KLHL14: variants seen among roughly 807,000 people sequenced by gnomAD.
KLHL14 encodes kelch like family member 14.
In KLHL14, 22 loss-of-function variants were observed where a neutral mutation model predicts 64.3. That is an observed-to-expected ratio of 0.34 (90% CI 0.24 to 0.49). KLHL14 has a LOEUF of 0.49. Among genes scored for constraint, KLHL14 ranks in the 20% least tolerant of loss-of-function variants. KLHL14 has a pLI of 0.99. For missense variants in KLHL14, 661 were observed against 789.0 expected, an observed-to-expected ratio of 0.84 and a Z score of 1.94; for synonymous variants, 322 against 333.4, an observed-to-expected ratio of 0.97 and a Z score of 0.37.
chr18:32,753,169 G>A (rs2050265211), intron 2 of KLHL14, among the ~76,000 whole-genome samples: 1 of 152,026 alleles, frequency 6.6e-6, no homozygotes, highest in Non-Finnish European at 1.5e-5. Context: ...ATGATTTCTT[G>A]TGTACCATCT....
Position 32,672,898 on chromosome 18 carries a change from C to T in KLHL14, c.*1759G>A, listed in dbSNP as rs1333485309. 1 of 152,492 alleles carries T rather than the reference C, an allele frequency of 6.6e-6. No individual in the cohort carries two copies. Among genetic ancestry groups the T allele is most frequent in the Admixed American group, 6.6e-5 (1 of 15,264 alleles). 9.4% of individuals were successfully genotyped at this position (152,492 alleles called of 1,614,324 possible). A position where few individuals can be genotyped will look rare whatever the true frequency, so the allele number is the denominator to read the frequency against. On this transcript the variant is annotated 3_prime_UTR_variant, in exon 9 of 9. Transcript: ENST00000359358. The stretch of plus-strand genomic sequence containing the variant: ...AAATGCAGAACAAGTCTAAGGAAAG[C>T]AAAGGTTCTTGTACAAATTGTGACT...
At chr18:32,752,343 G>A (rs997989688) in intron 2 of KLHL14, among the ~76,000 whole-genome samples, 22 of 152,180 alleles carry the variant, frequency 1.4e-4, no homozygotes, top group African/African-American at 4.8e-4. Flanking sequence ...AGGAAAAAGC[G>A]TATTTCTGAA....
At chr18:32,763,794 C>A (rs531126808) in intron 2 of KLHL14, among the ~76,000 whole-genome samples, 31 of 152,230 alleles carry the variant, frequency 2.0e-4, no homozygotes, top group African/African-American at 7.5e-4. Context: ...ATATTTAAGA[C>A]CAATAGCAAT....
intron 3 of KLHL14, among the ~76,000 whole-genome samples, chr18:32,740,493 C>A (rs772184483): frequency 2.0e-5 from 3 of 152,138 alleles, no homozygotes; most frequent in Non-Finnish European, 4.4e-5. Context: ...CTTTGAGAAT[C>A]TTTTGTCCTT....
At chr18:32,726,222 G>A (rs2144515395) in intron 3 of KLHL14, among the ~76,000 whole-genome samples, 1 of 152,344 alleles carries the variant, frequency 6.6e-6, no homozygotes, top group South Asian at 2.1e-4. Flanking sequence ...TGGGAGAGCT[G>A]AGTAGTTGTG....
intron 2 of KLHL14, among the ~76,000 whole-genome samples, chr18:32,746,561 A>C (rs2144535060): frequency 6.6e-6 from 1 of 152,352 alleles, no homozygotes; most frequent in African/African-American, 2.4e-5. Flanking sequence ...ATTGGGAAAC[A>C]GGCCAGATAA....
chr18:32,715,843 A>C (rs1018156906), intron 3 of KLHL14, among the ~76,000 whole-genome samples: 1 of 152,176 alleles, frequency 6.6e-6, no homozygotes, highest in Admixed American at 6.5e-5. Context: ...CTGTATAATC[A>C]TCCTTTGTGG....
chr18:32,748,307 C>T (rs892250849), intron 2 of KLHL14, among the ~76,000 whole-genome samples: 19 of 151,814 alleles, frequency 1.3e-4, no homozygotes, highest in African/African-American at 4.1e-4. Context: ...CTCTGCCTCC[C>T]GGGTTCAAGC....
chr18:32,768,366 AC>A (rs1328796027), intron 2 of KLHL14, among the ~76,000 whole-genome samples: 6 of 150,144 alleles, frequency 4.0e-5, no homozygotes, highest in African/African-American at 1.2e-4. Flanking sequence ...AACTTTAGTT[AC>A]CTAGGTCTGG....
At chr18:32,713,074 G>A (rs981586629) in intron 3 of KLHL14, among the ~76,000 whole-genome samples, 6 of 152,078 alleles carry the variant, frequency 3.9e-5, no homozygotes, top group African/African-American at 9.7e-5. Context: ...TGTTAATAAA[G>A]TTTTATTGGA....
At chr18:32,726,353 G>A (rs1052870282) in intron 3 of KLHL14, among the ~76,000 whole-genome samples, 1 of 152,180 alleles carries the variant, frequency 6.6e-6, no homozygotes, top group East Asian at 1.9e-4. Flanking sequence ...GCCGGGTGCA[G>A]CGGCTCACAC....
At chr18:32,703,198 A>T (rs2049974913) in intron 3 of KLHL14, among the ~76,000 whole-genome samples, 2 of 152,252 alleles carry the variant, frequency 1.3e-5, no homozygotes, top group Admixed American at 6.5e-5. Flanking sequence ...CTCAGCACAT[A>T]GTACTGGGCC....
At chr18:32,711,673 T>C (rs748279629) in intron 3 of KLHL14, among the ~76,000 whole-genome samples, 4 of 152,326 alleles carry the variant, frequency 2.6e-5, no homozygotes, top group Admixed American at 2.0e-4. Context: ...CAAGGGCTAG[T>C]AGCAAGGCCT....
At chr18:32,675,165 G>A (rs1211996988) in intron 8 of KLHL14, among the ~76,000 whole-genome samples, 1 of 152,054 alleles carries the variant, frequency 6.6e-6, no homozygotes, top group Non-Finnish European at 1.5e-5. Flanking sequence ...ACCAGCCTGG[G>A]CAACATAGCA....
At chr18:32,771,505 C>T (rs2050384677) in intron 1 of KLHL14, among the ~76,000 whole-genome samples, 1 of 152,178 alleles carries the variant, frequency 6.6e-6, no homozygotes, top group African/African-American at 2.4e-5. Context: ...AATCCTTCCA[C>T]CACCGCCACC....
intron 3 of KLHL14, among the ~76,000 whole-genome samples, chr18:32,721,764 T>G (rs1428770051): frequency 2.0e-5 from 3 of 152,120 alleles, no homozygotes; most frequent in Non-Finnish European, 4.4e-5. Context: ...TGGGAAAAAT[T>G]TTACCAATCA....
intron 3 of KLHL14, among the ~76,000 whole-genome samples, chr18:32,731,586 A>G (rs2050137233): frequency 6.6e-6 from 1 of 152,158 alleles, no homozygotes; most frequent in African/African-American, 2.4e-5. Flanking sequence ...ACATGTATTT[A>G]TATATGTAAC....
Position 32,770,562 on chromosome 18 carries a change from G to A in KLHL14, c.30C>T (p.Thr10=). The A allele has an allele frequency of 6.3e-7, 1 of 1,594,286 alleles. No homozygotes were observed. The highest frequency in any genetic ancestry group is 8.5e-7 in the Non-Finnish European group (1 of 1,174,562). The part of the protein sequence containing the change: MSRSGDRTS[T]FDPSHSDNLL... Reference sequence around the variant, plus strand: ...GGTTGTCGCTGTGGCTGGGGTCGAAGGTGGAGGTCCTGTCCCCGGATCTGG... The same window carrying A: ...GGTTGTCGCTGTGGCTGGGGTCGAAAGTGGAGGTCCTGTCCCCGGATCTGG... Residue 10 remains threonine, a synonymous_variant, in exon 2 of 9, where the codon ACC becomes ACT. Coordinates refer to ENST00000359358, the MANE Select transcript of KLHL14 (RefSeq NM_020805.3). This position sits in a 1 kb window ranked among gnomAD's most constrained non-coding sequence, Gnocchi z 6.7.
Position 32,770,082 on chromosome 18 carries a change from G to T in KLHL14, c.510C>A (p.Thr170=), listed in dbSNP as rs1451505065. ...VSKILHIPQV[T]KLCVQFLNDQ... is the part of the protein sequence containing the mutation. ...CGTTGAGGAACTGCACGCAGAGCTT[G>T]GTGACCTGGGGGATGTGCAGGATCT... The change falls in exon 2 of 9, where the codon ACC becomes ACA. Residue 170 remains threonine, a synonymous_variant. Transcript: ENST00000359358. This position sits in a 1 kb window ranked among gnomAD's most constrained non-coding sequence, Gnocchi z 6.7. 5 of 1,614,032 alleles carry T rather than the reference G, an allele frequency of 3.1e-6. No homozygotes were observed. In the South Asian group the frequency reaches 5.5e-5, roughly 18 times the overall value.
Sources: allele counts gnomAD v4.1 joint callset (sites outside exome capture counted in the v4.1 genomes callset), GRCh38; gene constraint gnomAD v4.1.1; non-coding constraint Gnocchi (gnomAD v3.1); transcripts MANE v1.5; gene names NCBI Gene and HGNC (gene_info 2026-07-23, HGNC 2026-07-21).